Variants in RBM33 observed in about 807,000 individuals in gnomAD.
The protein encoded by RBM33 is RNA binding motif protein 33.
RBM33 carries 28 observed loss-of-function variants against 132.6 expected under a neutral mutation model. The observed-to-expected ratio is 0.21, with a 90% confidence interval of 0.16 to 0.29. The LOEUF is 0.29. Among genes scored for constraint, RBM33 ranks in the 10% least tolerant of loss-of-function variants. The pLI is 1.00. For synonymous variants in RBM33, 634 were observed against 593.0 expected, an observed-to-expected ratio of 1.07 and a Z score of -1.01; for missense variants, 1,291 against 1,518.5, an observed-to-expected ratio of 0.85 and a Z score of 2.49.
chr7:155,673,618 A>ATATATACACACATATACATACACACGTG (rs1799035337), intron 3 of RBM33, among the ~76,000 whole-genome samples: 1 of 66,340 alleles, frequency 1.5e-5, no homozygotes, highest in African/African-American at 6.4e-5. Flanking sequence ...ACACACGTGT[A>ATATATACACACATATACATACACACGTG]TATATATACA....
chr7:155,676,552 C>A (rs1799188839), intron 3 of RBM33, among the ~76,000 whole-genome samples: 1 of 152,110 alleles, frequency 6.6e-6, no homozygotes. Flanking sequence ...CTTTTTCTTT[C>A]ATACTTGTTT....
intron 5 of RBM33, among the ~76,000 whole-genome samples, chr7:155,692,072 T>G (rs970381399): frequency 6.6e-6 from 1 of 151,642 alleles, no homozygotes; most frequent in Non-Finnish European, 1.5e-5. Context: ...AAAGAAAATT[T>G]TTTTTTTCTT....
intron 4 of RBM33, 103 bp from the exon 5 acceptor site, chr7:155,680,487 A>G (rs771549399): frequency 3.6e-6 from 3 of 842,038 alleles, no homozygotes; most frequent in Admixed American, 2.9e-5. Flanking sequence ...ATAACTTTTT[A>G]TCAGTCATGG....
At chr7:155,747,083 T>A (rs1801540923) in intron 14 of RBM33, among the ~76,000 whole-genome samples, 1 of 152,230 alleles carries the variant, frequency 6.6e-6, no homozygotes, top group African/African-American at 2.4e-5. Flanking sequence ...AAAATCTTTA[T>A]AAAATACTGT....
intron 7 of RBM33, among the ~76,000 whole-genome samples, chr7:155,709,029 G>T (rs1800200430): frequency 6.6e-6 from 1 of 151,784 alleles, no homozygotes; most frequent in Non-Finnish European, 1.5e-5. Flanking sequence ...GCACTCTGGG[G>T]CCTTGGGCAT....
At chr7:155,724,276 C>T (rs1800713934) in intron 9 of RBM33, among the ~76,000 whole-genome samples, 1 of 152,152 alleles carries the variant, frequency 6.6e-6, no homozygotes, top group Non-Finnish European at 1.5e-5. Context: ...GGCCAGCGCT[C>T]CCAGCACTTT....
chr7:155,692,222 G>T (rs1376599288), intron 5 of RBM33, among the ~76,000 whole-genome samples: 1 of 152,048 alleles, frequency 6.6e-6, no homozygotes, highest in African/African-American at 2.4e-5. Flanking sequence ...AGAAAATGGA[G>T]AATTTTAACC....
At chr7:155,696,832 T>C (rs1453293447) in intron 5 of RBM33, among the ~76,000 whole-genome samples, 1 of 152,176 alleles carries the variant, frequency 6.6e-6, no homozygotes, top group African/African-American at 2.4e-5. Context: ...GACAGTTTCT[T>C]AGTGTTTCCC....
chr7:155,711,132 T>G (rs758137669), intron 7 of RBM33, 71 bp from the exon 8 acceptor site: 3 of 1,427,996 alleles, frequency 2.1e-6, no homozygotes, highest in Non-Finnish European at 2.8e-6. Flanking sequence ...TTTTAAATGT[T>G]GATTTCGGTG....
chr7:155,664,323 C>A (rs7786378), intron 1 of RBM33, among the ~76,000 whole-genome samples: 97,623 of 151,538 alleles, frequency 0.64, 32,373 homozygotes, highest in South Asian at 0.77. Context: ...GCGCGATCTC[C>A]GCTCACTGCA....
intron 13 of RBM33, among the ~76,000 whole-genome samples, chr7:155,743,593 A>AT (rs1165948602): frequency 1.3e-5 from 2 of 152,052 alleles, no homozygotes; most frequent in African/African-American, 4.8e-5. Context: ...GATTATATAT[A>AT]TTTTTTTACT....
At chr7:155,691,453 T>C (rs1275381676) in intron 5 of RBM33, among the ~76,000 whole-genome samples, 1 of 152,168 alleles carries the variant, frequency 6.6e-6, no homozygotes, top group Non-Finnish European at 1.5e-5. Context: ...ATTTTGAAGT[T>C]GGAAAACTAA....
intron 3 of RBM33, among the ~76,000 whole-genome samples, chr7:155,673,940 G>GTTGTTTTTTTTTTTTT: frequency 3.7e-5 from 2 of 54,214 alleles, no homozygotes; most frequent in African/African-American, 1.7e-4. Context: ...TTTAGGCTTA[G>GTTGTTTTTTTTTTTTT]TTTTTTTTTT....
chr7:155,689,998 G>C (rs1379867459), intron 5 of RBM33, among the ~76,000 whole-genome samples: 1 of 152,204 alleles, frequency 6.6e-6, no homozygotes, highest in Non-Finnish European at 1.5e-5. Context: ...GCTTGGTGCA[G>C]AGCTGAGTTC....
intron 2 of RBM33, among the ~76,000 whole-genome samples, 180 bp downstream of exon 2, chr7:155,665,433 T>TG (rs1437104993): frequency 5.9e-5 from 9 of 152,242 alleles, no homozygotes; most frequent in Non-Finnish European, 1.2e-4. Context: ...GGTGTGCTCC[T>TG]GTTCCAGGCC....
chr7:155,707,315 A>G (rs1183076352), intron 7 of RBM33: 3 of 618,128 alleles, frequency 4.9e-6, no homozygotes, highest in Non-Finnish European at 9.3e-6. Flanking sequence ...GGAGGAATTA[A>G]TGAGCGACCT....
At chr7:155,701,100 G>T in intron 6 of RBM33, 156 bp downstream of exon 6, 1 of 654,846 alleles carries the variant, frequency 1.5e-6, no homozygotes, top group Non-Finnish European at 2.8e-6. Flanking sequence ...GCTGTTTATG[G>T]TACTGTAAAA....
chr7:155,710,795 C>G (rs1053359061), intron 7 of RBM33, among the ~76,000 whole-genome samples: 2 of 152,104 alleles, frequency 1.3e-5, no homozygotes, highest in South Asian at 4.1e-4. Flanking sequence ...GCCTTGCTTA[C>G]CAGAGTTCCT....
intron 14 of RBM33, among the ~76,000 whole-genome samples, chr7:155,754,673 C>T (rs1024871101): frequency 1.3e-5 from 2 of 152,216 alleles, no homozygotes; most frequent in Non-Finnish European, 2.9e-5. Context: ...TTAAAGATCT[C>T]CCCAGGCCTA....
Sources: gnomAD v4.1 joint callset for allele counts (sites outside exome capture counted in the v4.1 genomes callset) on GRCh38, gnomAD v4.1.1 for gene constraint, MANE v1.5 for transcripts, NCBI Gene and HGNC (gene_info 2026-07-23, HGNC 2026-07-21) for gene names.